The following JCAD variants were observed in gnomAD, a reference collection of about 807,000 sequenced individuals.
JCAD encodes junctional cadherin 5-associated protein.
JCAD carries 40 observed loss-of-function variants against 98.0 expected under a neutral mutation model. The observed-to-expected ratio is 0.41, with a 90% confidence interval of 0.32 to 0.53. The LOEUF (loss-of-function observed/expected upper bound fraction) is 0.53. JCAD is among the 20% of genes least tolerant of loss of function. JCAD has a pLI of 0.31. For missense variants in JCAD, 1,705 were observed against 1,738.1 expected (o/e 0.98, Z 0.34); for synonymous variants, 691 against 682.3 (o/e 1.01, Z -0.20).
intron 1 of JCAD, among the ~76,000 whole-genome samples, chr10:30,096,766 G>A (rs1027871165): frequency 3.9e-5 from 6 of 152,136 alleles, no homozygotes; most frequent in Non-Finnish European, 7.3e-5. Context: ...TGCACGACAC[G>A]TGTGTGACTT....
chr10:30,066,928 C>T (rs1837794354), intron 2 of JCAD, among the ~76,000 whole-genome samples: 1 of 152,038 alleles, frequency 6.6e-6, no homozygotes, highest in African/African-American at 2.4e-5. Flanking sequence ...ACCCAGGGGG[C>T]ACAGGTTGCA....
At chr10:30,068,390 C>CA (rs34060997) in intron 2 of JCAD, among the ~76,000 whole-genome samples, 11,187 of 47,770 alleles carry the variant, frequency 0.23, 1,421 homozygotes, top group African/African-American at 0.29. Flanking sequence ...AACTCTGTCT[C>CA]AAAAAAAAAA....
intron 2 of JCAD, among the ~76,000 whole-genome samples, chr10:30,069,107 C>T (rs1207017072): frequency 2.0e-5 from 3 of 152,154 alleles, no homozygotes; most frequent in Non-Finnish European, 4.4e-5. Flanking sequence ...ATCAGTTTTT[C>T]CGTTGACCAC....
At chr10:30,076,187 C>A (rs980061909) in intron 1 of JCAD, among the ~76,000 whole-genome samples, 11 of 152,046 alleles carry the variant, frequency 7.2e-5, no homozygotes, top group African/African-American at 2.7e-4. Flanking sequence ...CCACACCCGG[C>A]TAAATTTTTT....
At chr10:30,067,679 C>T (rs1837808597) in intron 2 of JCAD, among the ~76,000 whole-genome samples, 2 of 152,174 alleles carry the variant, frequency 1.3e-5, no homozygotes, top group Admixed American at 6.5e-5. Context: ...TGGGCTAGGC[C>T]TTGACTTATG....
chr10:30,108,433 C>T (rs1314588110), intron 1 of JCAD, among the ~76,000 whole-genome samples: 1 of 152,060 alleles, frequency 6.6e-6, no homozygotes, highest in Non-Finnish European at 1.5e-5. Flanking sequence ...GATAGGCATC[C>T]ACATAGCCTT....
At chr10:30,020,427 T>C (rs1317131785) in intron 3 of JCAD, among the ~76,000 whole-genome samples, 2 of 152,166 alleles carry the variant, frequency 1.3e-5, no homozygotes, top group Non-Finnish European at 2.9e-5. Flanking sequence ...ACATTCCAAT[T>C]TTTCCAGCAG....
chr10:30,021,841 A>G (rs572600696), intron 3 of JCAD, among the ~76,000 whole-genome samples: 1 of 152,312 alleles, frequency 6.6e-6, no homozygotes, highest in Admixed American at 6.5e-5. Flanking sequence ...AGCTGAGGAC[A>G]ACTCACTGAG....
chr10:30,077,697 G>A (rs1027613669), intron 1 of JCAD, among the ~76,000 whole-genome samples: 2 of 152,048 alleles, frequency 1.3e-5, no homozygotes, highest in South Asian at 2.1e-4. Flanking sequence ...TTTATGTCTG[G>A]CTTATTTCAC....
chr10:30,060,137 G>C (rs765399473), upstream of JCAD, among the ~76,000 whole-genome samples: 2 of 150,924 alleles, frequency 1.3e-5, no homozygotes, highest in Non-Finnish European at 3.0e-5. Flanking sequence ...ACACACAAAC[G>C]CACCCACATA....
chr10:30,047,053 C>CT (rs1589692319), intron 2 of JCAD, among the ~76,000 whole-genome samples: 2 of 152,264 alleles, frequency 1.3e-5, no homozygotes, highest in South Asian at 4.1e-4. Context: ...CACCACTGCA[C>CT]TCCAGCCTGG....
chr10:30,054,715 C>T (rs1298448144), intron 1 of JCAD, among the ~76,000 whole-genome samples: 3 of 150,476 alleles, frequency 2.0e-5, no homozygotes, highest in African/African-American at 7.3e-5. Flanking sequence ...GTCGCCCAGG[C>T]TGGAGTGCAG....
At chr10:30,082,848 T>C (rs1838107356) in intron 1 of JCAD, among the ~76,000 whole-genome samples, 2 of 97,008 alleles carry the variant, frequency 2.1e-5, no homozygotes, top group Admixed American at 2.6e-4. Context: ...TGAAACTCTG[T>C]CTCAAAAAAA....
intron 1 of JCAD, among the ~76,000 whole-genome samples, chr10:30,050,339 A>AG (rs1450730530): frequency 6.9e-6 from 1 of 145,940 alleles, no homozygotes; most frequent in Non-Finnish European, 1.5e-5. Context: ...AAAAAAAAAA[A>AG]AAAGAAAGAA....
In JCAD at chr10:30,040,710, G is replaced by A. The variant is rs12247005; in HGVS notation, c.281+6822C>T. On this transcript the variant is annotated intron_variant, in intron 2 of 3. Coordinates refer to ENST00000375377, the MANE Select transcript of JCAD (RefSeq NM_020848.4). The stretch of plus-strand genomic sequence containing the variant: ...CTGGTGATGACACCCTAGGGAGGCC[G>A]CCTAAAGGCCCCAGGCCCCATAGCT... Among the ~76,000 whole-genome samples the A allele has an allele frequency of 2.6e-5, 4 of 152,058 alleles. No individual in the cohort carries two copies. In the East Asian group the frequency reaches 7.7e-4, roughly 29 times the overall value.
At position 30,097,465 on chromosome 10, in the gene JCAD, C is replaced by T. The variant is rs541165022; in HGVS notation, n.128+17902G>A. Among the ~76,000 whole-genome samples the T allele has an allele frequency of 5.9e-5, 9 of 152,272 alleles. No individual in the cohort carries two copies. The East Asian group carries it at 1.4e-3, about 23-fold the overall frequency. On this transcript the variant is annotated intron_variant and non_coding_transcript_variant, in intron 1 of 2. Transcript: ENST00000465712. ...GATGCATCCAATTAGAAAAGAGACG[C>T]AGGGCCTGGTGCAGTGGCTCATGCC...
rs137923436 is a variant in JCAD, at chr10:30,054,010, C to T, written c.-60+5472G>A. 4.5e-3 allele frequency among the ~76,000 whole-genome samples: 691 copies of T among 152,244 alleles called. 10 individuals carry two copies. In the South Asian group the frequency reaches 0.051, roughly 11 times the overall value. On this transcript the variant is annotated intron_variant, in intron 1 of 3. Coordinates refer to ENST00000375377, the MANE Select transcript of JCAD (RefSeq NM_020848.4). ...TTGGGAGGCAAAGGTTGCAGTGAGC[C>T]GAGATCGTGCCATTGCACCTCACCC...
At chr10:30,044,226 C>T (rs1837292472) in intron 2 of JCAD, among the ~76,000 whole-genome samples, 1 of 152,200 alleles carries the variant, frequency 6.6e-6, no homozygotes. Context: ...TACAGCAGCA[C>T]ACATTGGATG....
intron 1 of JCAD, among the ~76,000 whole-genome samples, chr10:30,095,714 G>C (rs144864078): frequency 1.3e-5 from 2 of 152,180 alleles, no homozygotes; most frequent in East Asian, 3.8e-4. Context: ...TCTTAGAATC[G>C]TGAGTGCCTG....
Sources: gnomAD v4.1 joint callset for allele counts (sites outside exome capture counted in the v4.1 genomes callset) on GRCh38, gnomAD v4.1.1 for gene constraint, MANE v1.5 for transcripts, NCBI Gene and HGNC (gene_info 2026-07-23, HGNC 2026-07-21) for gene names.